SNTG1: variants seen among roughly 807,000 people sequenced by gnomAD.
The protein encoded by SNTG1 is syntrophin gamma 1.
A neutral mutation model predicts 74.7 loss-of-function variants in SNTG1; 39 were observed. The ratio of observed to expected loss-of-function variants is 0.52; its 90% CI spans 0.40 to 0.68. SNTG1 has a LOEUF of 0.68. SNTG1 is among the 30% of genes least tolerant of loss of function. SNTG1 has a pLI of 0.00. For synonymous variants in SNTG1, 254 were observed against 217.1 expected (o/e 1.17, Z -1.49); for missense variants, 685 against 609.5 (o/e 1.12, Z -1.30).
At chr8:50,046,180 A>C (rs1379879966) in intron 1 of SNTG1, among the ~76,000 whole-genome samples, 1 of 152,192 alleles carries the variant, frequency 6.6e-6, no homozygotes, top group South Asian at 2.1e-4. Flanking sequence ...CAACCTTTAA[A>C]TATGTAAAGG....
At chr8:50,555,473 G>T (rs1424925657) in intron 12 of SNTG1, among the ~76,000 whole-genome samples, 1 of 152,174 alleles carries the variant, frequency 6.6e-6, no homozygotes, top group Non-Finnish European at 1.5e-5. Context: ...TTAGCATAAA[G>T]AAAGAAATTA....
intron 2 of SNTG1, among the ~76,000 whole-genome samples, chr8:50,329,003 A>T (rs2090858823): frequency 1.3e-5 from 2 of 152,218 alleles, no homozygotes; most frequent in African/African-American, 4.8e-5. Context: ...GAAATTGGCC[A>T]AAACAAAAGA....
chr8:50,271,174 A>C (rs147973849), intron 2 of SNTG1, among the ~76,000 whole-genome samples: 2 of 152,318 alleles, frequency 1.3e-5, no homozygotes, highest in East Asian at 3.9e-4. Flanking sequence ...TGAGAAATGG[A>C]AAGTGTTATT....
At chr8:50,710,598 A>G (rs1383879585) in intron 17 of SNTG1, among the ~76,000 whole-genome samples, 3 of 152,202 alleles carry the variant, frequency 2.0e-5, no homozygotes, top group Admixed American at 6.6e-5. Flanking sequence ...TCACATGAAT[A>G]TATTTCTGAG....
Position 50,122,252 on chromosome 8 carries a change from C to T in SNTG1, c.-102-50309C>T, listed in dbSNP as rs796616624. Among the ~76,000 whole-genome samples, 9 of 142,310 alleles carry T rather than the reference C, an allele frequency of 6.3e-5. 2 individuals are homozygous for T. The highest frequency in any genetic ancestry group is 2.6e-4 in the South Asian group (1 of 3,814). The allele number at this position is 142,310 out of a possible 152,430, so 93.4% of individuals were successfully genotyped here. On this transcript the variant is annotated intron_variant, in intron 1 of 18. Coordinates refer to ENST00000642720, the MANE Select transcript of SNTG1 (RefSeq NM_018967.5). ...ATCCTTGGTAACTTGTGCCTTACCT[C>T]GTTTTGCAAAGCAAATAGTAAAATG... is the stretch of plus-strand genomic sequence containing the variant.
intron 13 of SNTG1, among the ~76,000 whole-genome samples, chr8:50,637,494 A>T (rs191705477): frequency 6.6e-6 from 1 of 152,228 alleles, no homozygotes; most frequent in Non-Finnish European, 1.5e-5. Context: ...GTCTTGGTTA[A>T]ATGGCTTACC....
At chr8:50,213,308 CT>C (rs1175790733) in intron 2 of SNTG1, among the ~76,000 whole-genome samples, 1 of 152,028 alleles carries the variant, frequency 6.6e-6, no homozygotes, top group Non-Finnish European at 1.5e-5. Context: ...AAATTATATT[CT>C]TGTGAATAAT....
At chr8:50,501,795 A>T (rs1195350368) in intron 8 of SNTG1, among the ~76,000 whole-genome samples, 1 of 151,822 alleles carries the variant, frequency 6.6e-6, no homozygotes. Flanking sequence ...GTCATTCTAA[A>T]TTGGTTTCAA....
intron 16 of SNTG1, 51 bp downstream of exon 16, chr8:50,704,803 A>G (rs372929242): frequency 6.3e-7 from 1 of 1,591,800 alleles, no homozygotes; most frequent in African/African-American, 1.3e-5. Flanking sequence ...ATGCATGACC[A>G]CTTCCCTAGA....
intron 1 of SNTG1, among the ~76,000 whole-genome samples, chr8:50,125,768 C>T (rs1168042916): frequency 3.1e-5 from 3 of 96,670 alleles, no homozygotes; most frequent in African/African-American, 1.0e-4. Flanking sequence ...TGTTACGTTG[C>T]TGTATTAAGA....
intron 2 of SNTG1, among the ~76,000 whole-genome samples, chr8:50,185,796 A>G (rs529819329): frequency 6.6e-6 from 1 of 152,012 alleles, no homozygotes; most frequent in Non-Finnish European, 1.5e-5. Context: ...TATACAATGG[A>G]AGATAATATA....
intron 9 of SNTG1, among the ~76,000 whole-genome samples, chr8:50,508,060 C>G (rs964891275): frequency 1.4e-5 from 2 of 140,550 alleles, no homozygotes; most frequent in Admixed American, 6.7e-5. Context: ...TAATGCTATC[C>G]CTCCCCACTC....
chr8:50,494,896 G>T (rs369224530), intron 8 of SNTG1, among the ~76,000 whole-genome samples: 1 of 151,686 alleles, frequency 6.6e-6, no homozygotes, highest in Admixed American at 6.6e-5. Context: ...ACTAAAATAG[G>T]TGGCTCTTTT....
At chr8:50,387,964 T>G (rs1034380461) in intron 2 of SNTG1, among the ~76,000 whole-genome samples, 3 of 152,174 alleles carry the variant, frequency 2.0e-5, no homozygotes, top group African/African-American at 7.2e-5. Flanking sequence ...ATATATGTCT[T>G]CCTTCCAATA....
At chr8:50,781,333 G>T (rs1403969397) in intron 18 of SNTG1, among the ~76,000 whole-genome samples, 1 of 152,070 alleles carries the variant, frequency 6.6e-6, no homozygotes, top group African/African-American at 2.4e-5. Flanking sequence ...TATTGTGTGG[G>T]AGTCTAAGTC....
intron 8 of SNTG1, among the ~76,000 whole-genome samples, chr8:50,466,995 C>A (rs2093613639): frequency 6.6e-6 from 1 of 151,794 alleles, no homozygotes; most frequent in East Asian, 1.9e-4. Context: ...AACTTTGATT[C>A]ATACATGCTT....
intron 2 of SNTG1, among the ~76,000 whole-genome samples, chr8:50,211,071 T>C (rs1215955329): frequency 6.6e-6 from 1 of 152,142 alleles, no homozygotes; most frequent in African/African-American, 2.4e-5. Context: ...AGTTGGAATA[T>C]GGGTGTTACA....
intron 2 of SNTG1, among the ~76,000 whole-genome samples, chr8:50,209,086 G>A (rs2084385641): frequency 6.6e-6 from 1 of 152,148 alleles, no homozygotes; most frequent in South Asian, 2.1e-4. Context: ...CCTGCACATG[G>A]CTTGGAGGGT....
chr8:50,303,562 G>A (rs2089746616), intron 2 of SNTG1, among the ~76,000 whole-genome samples: 1 of 151,844 alleles, frequency 6.6e-6, no homozygotes, highest in Non-Finnish European at 1.5e-5. Context: ...TAATTTCATA[G>A]AACATATTAC....
Sources: gnomAD v4.1 joint callset for allele counts (sites outside exome capture counted in the v4.1 genomes callset) on GRCh38, gnomAD v4.1.1 for gene constraint, MANE v1.5 for transcripts, NCBI Gene and HGNC (gene_info 2026-07-23, HGNC 2026-07-21) for gene names.